Variants in CHST8 observed in about 807,000 individuals in gnomAD.
CHST8 encodes the protein carbohydrate sulfotransferase 8.
CHST8 carries 10 observed loss-of-function variants against 15.0 expected under a neutral mutation model. The observed-to-expected ratio is 0.67, with a 90% CI of 0.41 to 1.13. The LOEUF (loss-of-function observed/expected upper bound fraction) is 1.13. Ranked by LOEUF, CHST8 falls within the 50% of genes most tolerant of loss-of-function variation. CHST8 has a pLI of 0.00. For synonymous variants in CHST8, 259 were observed against 256.6 expected, an observed-to-expected ratio of 1.01 and a Z score of -0.09; for missense variants, 634 against 608.2, an observed-to-expected ratio of 1.04 and a Z score of -0.45.
At chr19:33,651,452 A>G (rs1043379489) in intron 1 of CHST8, among the ~76,000 whole-genome samples, 26 of 152,204 alleles carry the variant, frequency 1.7e-4, no homozygotes, top group African/African-American at 6.3e-4. Context: ...ATCTATAGAC[A>G]TAAATGTGTT....
intron 1 of CHST8, among the ~76,000 whole-genome samples, chr19:33,625,002 G>A (rs1000681120): frequency 1.3e-5 from 2 of 152,114 alleles, no homozygotes; most frequent in African/African-American, 4.8e-5. Context: ...TTACTGGTGC[G>A]TGGCAGCCAC....
chr19:33,747,308 C>T (rs1263757164), intron 3 of CHST8, among the ~76,000 whole-genome samples: 3 of 152,266 alleles, frequency 2.0e-5, no homozygotes, highest in East Asian at 3.9e-4. Flanking sequence ...CAGCTGCACC[C>T]GTCCTTAGAG....
At chr19:33,642,069 C>T (rs1432438911) in intron 1 of CHST8, among the ~76,000 whole-genome samples, 1 of 152,232 alleles carries the variant, frequency 6.6e-6, no homozygotes, top group Non-Finnish European at 1.5e-5. Flanking sequence ...CACCAGAGCC[C>T]TGGAAAGGGA....
chr19:33,704,151 G>T (rs1161020397), intron 3 of CHST8, among the ~76,000 whole-genome samples: 1 of 152,172 alleles, frequency 6.6e-6, no homozygotes, highest in East Asian at 1.9e-4. Flanking sequence ...GCCTGGTCTT[G>T]GTTTTCCACC....
chr19:33,772,679 G>A lies in CHST8; in HGVS notation c.891G>A (p.Arg297=). ...CCCGGTACCGCGCCAATGCCTCTCG[G>A]GAGGCCCTGCGGACCGGCTCTGGGG... ...ILARYRANAS[R]EALRTGSGVR... is the part of the protein sequence containing the mutation. Residue 297 remains arginine (R), a synonymous_variant, in exon 5 of 5, where the codon CGG becomes CGA. Transcript: ENST00000650847. The A allele has an allele frequency of 6.2e-7, 1 of 1,613,774 alleles. No individual in the cohort carries two copies. Among genetic ancestry groups the A allele is most frequent in the South Asian group, 1.1e-5 (1 of 91,082 alleles).
At chr19:33,701,526 A>T (rs1212629884) in intron 3 of CHST8, among the ~76,000 whole-genome samples, 3 of 152,222 alleles carry the variant, frequency 2.0e-5, no homozygotes, top group African/African-American at 7.2e-5. Flanking sequence ...ATTAAAAAGG[A>T]GAGCAGAATA....
chr19:33,647,611 G>A (rs556833707), intron 1 of CHST8, among the ~76,000 whole-genome samples: 41 of 152,192 alleles, frequency 2.7e-4, no homozygotes, highest in Non-Finnish European at 4.4e-4. Context: ...TTTGGGAGGC[G>A]GAGGCGGGTG....
In CHST8 at chr19:33,757,466, G is replaced by T. The variant is rs1462986085; in HGVS notation, c.131-13947G>T. Among the ~76,000 whole-genome samples the T allele has an allele frequency of 7.3e-3, 288 of 39,632 alleles. 39 individuals carry two copies. Among genetic ancestry groups the T allele is most frequent in the Middle Eastern group, 0.027 (2 of 74 alleles). The allele number at this position is 39,632 out of a possible 152,430, so 26.0% of individuals were successfully genotyped here. A position where few individuals can be genotyped will look rare whatever the true frequency, so the allele number is the denominator to read the frequency against. On this transcript the variant is annotated intron_variant, in intron 3 of 4. Transcript: ENST00000650847. ...AGAAAGAAAGAAAGAAAGAAAGAAA[G>T]AAAGAAAGAAAGAAAGAAAGAAAGA...
At chr19:33,625,256 TGTATTTA>T (rs1040116167) in intron 1 of CHST8, among the ~76,000 whole-genome samples, 1 of 149,856 alleles carries the variant, frequency 6.7e-6, no homozygotes, top group African/African-American at 2.4e-5. Context: ...CGGCTAATTT[TGTATTTA>T]GTAGAGACAG....
At chr19:33,697,570 T>C (rs1315046502) in intron 3 of CHST8, among the ~76,000 whole-genome samples, 1 of 152,174 alleles carries the variant, frequency 6.6e-6, no homozygotes. Context: ...GAATTATTAT[T>C]ACACCATTTG....
At chr19:33,651,755 AT>A (rs1015740553) in intron 1 of CHST8, among the ~76,000 whole-genome samples, 1 of 152,074 alleles carries the variant, frequency 6.6e-6, no homozygotes, top group Non-Finnish European at 1.5e-5. Context: ...AATTGCAGAG[AT>A]TGTGGTGTGC....
At chr19:33,669,390 C>T (rs913858288) in intron 2 of CHST8, among the ~76,000 whole-genome samples, 4 of 152,314 alleles carry the variant, frequency 2.6e-5, no homozygotes, top group South Asian at 2.1e-4. Flanking sequence ...AAGATGGCGA[C>T]GTGCACCTTC....
chr19:33,715,014 A>G (rs1373858883), intron 3 of CHST8, among the ~76,000 whole-genome samples: 5 of 152,142 alleles, frequency 3.3e-5, no homozygotes, highest in African/African-American at 1.2e-4. Context: ...TCCCAGCACC[A>G]TGGTGACTTG....
At chr19:33,642,118 G>C (rs1334932002) in intron 1 of CHST8, among the ~76,000 whole-genome samples, 1 of 152,174 alleles carries the variant, frequency 6.6e-6, no homozygotes, top group African/African-American at 2.4e-5. Flanking sequence ...CTGCAGGGCT[G>C]TGGGGCTCAG....
intron 3 of CHST8, among the ~76,000 whole-genome samples, chr19:33,750,044 C>T (rs530325426): frequency 2.6e-5 from 4 of 152,296 alleles, no homozygotes; most frequent in South Asian, 4.1e-4. Context: ...GAGACCGAAA[C>T]GCCCTGAGAC....
At chr19:33,629,189 C>T (rs1479664129) in intron 1 of CHST8, among the ~76,000 whole-genome samples, 2 of 152,202 alleles carry the variant, frequency 1.3e-5, no homozygotes, top group African/African-American at 4.8e-5. Context: ...ATGGAGCTGA[C>T]CACCCACTGT....
intron 3 of CHST8, among the ~76,000 whole-genome samples, chr19:33,751,186 A>G (rs1974413005): frequency 6.6e-6 from 1 of 152,164 alleles, no homozygotes; most frequent in African/African-American, 2.4e-5. Context: ...CAGCCTGCCC[A>G]CCGCACCCTC....
intron 2 of CHST8, chr19:33,684,666 A>T (rs2145249923): frequency 6.6e-6 from 1 of 152,190 alleles, no homozygotes; most frequent in East Asian, 1.9e-4. Context: ...GGGAAGAACT[A>T]GTCTGACAAA....
intron 4 of CHST8, 115 bp downstream of exon 4, chr19:33,771,565 C>A: frequency 9.7e-7 from 1 of 1,028,074 alleles, no homozygotes. Flanking sequence ...AAAAATGTGT[C>A]CAGCCTTTCC....
Sources: allele counts gnomAD v4.1 joint callset (sites outside exome capture counted in the v4.1 genomes callset), GRCh38; gene constraint gnomAD v4.1.1; transcripts MANE v1.5; gene names NCBI Gene and HGNC (gene_info 2026-07-23, HGNC 2026-07-21).